Variants in EDARADD observed in about 807,000 individuals in gnomAD.
EDARADD encodes the protein ectodysplasin-A receptor-associated adapter protein.
EDARADD carries 20 observed loss-of-function variants against 25.6 expected under a neutral mutation model. The ratio of observed to expected loss-of-function variants is 0.78; its 90% confidence interval spans 0.55 to 1.14. The LOEUF is 1.14. Among genes scored for constraint, EDARADD ranks in the 50% most tolerant of loss-of-function variants. The pLI is 0.00. For missense variants in EDARADD, 225 were observed against 270.1 expected (o/e 0.83, Z 1.17); for synonymous variants, 86 against 94.4 (o/e 0.91, Z 0.52).
chr1:236,429,193 A>AGGGAGAGGGAGAGGGAGC (rs201819535), intron 4 of EDARADD, among the ~76,000 whole-genome samples: 210 of 143,638 alleles, frequency 1.5e-3, no homozygotes, highest in Non-Finnish European at 2.3e-3. Flanking sequence ...GCAGAGGGAG[A>AGGGAGAGGGAGAGGGAGC]GGGAGCGGGA....
intron 1 of EDARADD, among the ~76,000 whole-genome samples, chr1:236,401,657 G>A (rs761318620): frequency 9.9e-5 from 15 of 152,184 alleles, no homozygotes; most frequent in Non-Finnish European, 1.8e-4. Context: ...AATGATTAAC[G>A]CTTTTGGGGA....
At chr1:236,364,651 A>G (rs1572110352) in intron 3 of EDARADD, among the ~76,000 whole-genome samples, 1 of 152,168 alleles carries the variant, frequency 6.6e-6, no homozygotes, top group Non-Finnish European at 1.5e-5. Context: ...ATCTTTTAGA[A>G]TTCTATTGTA....
intron 3 of EDARADD, among the ~76,000 whole-genome samples, chr1:236,357,095 TA>T (rs1052975084): frequency 2.6e-4 from 37 of 144,190 alleles, no homozygotes; most frequent in African/African-American, 2.8e-4. Flanking sequence ...AAATAAAAAA[TA>T]AAAAAAAAAA....
intron 3 of EDARADD, among the ~76,000 whole-genome samples, chr1:236,371,694 C>T (rs1324369790): frequency 2.0e-5 from 3 of 151,406 alleles, no homozygotes; most frequent in Non-Finnish European, 2.9e-5. Context: ...CTCAGCCTCC[C>T]AAGTAGCTGG....
intron 3 of EDARADD, among the ~76,000 whole-genome samples, chr1:236,360,537 G>GATTTTTTTTTTTTTTTT (rs1558100082): frequency 7.6e-6 from 1 of 131,266 alleles, no homozygotes; most frequent in African/African-American, 3.0e-5. Context: ...TTAATTCACG[G>GATTTTTTTTTTTTTTTT]TTTTTTTTTT....
Position 236,482,847 on chromosome 1 carries a change from A to G in EDARADD, c.*198A>G, listed in dbSNP as rs1659717651. On this transcript the variant is annotated 3_prime_UTR_variant, in exon 6 of 6. Coordinates refer to ENST00000334232, the MANE Select transcript of EDARADD (RefSeq NM_145861.4). ...CTCTGTTTATTTTTGCACATCTGTTATAATTTAATATTCAAATCTGGAATT... is the reference window on the plus strand; with the variant it reads ...CTCTGTTTATTTTTGCACATCTGTTGTAATTTAATATTCAAATCTGGAATT... The G allele has an allele frequency of 1.4e-6, 1 of 691,424 alleles. No individual in the cohort carries two copies. The highest frequency in any genetic ancestry group is 1.9e-5 in the South Asian group (1 of 52,400). The allele number at this position is 691,424 out of a possible 1,614,324, so 42.8% of individuals were successfully genotyped here.
chr1:236,451,968 G>A (rs1360865727), intron 4 of EDARADD, among the ~76,000 whole-genome samples: 1 of 152,182 alleles, frequency 6.6e-6, no homozygotes, highest in Non-Finnish European at 1.5e-5. Flanking sequence ...AGGCCTGCGT[G>A]CTTTCCAGAA....
At chr1:236,412,062 T>A (rs907201090) in intron 2 of EDARADD, among the ~76,000 whole-genome samples, 1 of 152,192 alleles carries the variant, frequency 6.6e-6, no homozygotes, top group Admixed American at 6.5e-5. Context: ...CCCCTTGACA[T>A]GGGAGATGAG....
At chr1:236,435,684 A>G (rs582169) in intron 4 of EDARADD, among the ~76,000 whole-genome samples, 124,197 of 152,196 alleles carry the variant, frequency 0.82, 51,391 homozygotes, top group Non-Finnish European at 0.88. Context: ...TTATTTGAAG[A>G]TATTGGAAAG....
upstream of EDARADD, among the ~76,000 whole-genome samples, chr1:236,393,203 A>T (rs573181279): frequency 2.6e-5 from 4 of 152,104 alleles, no homozygotes; most frequent in African/African-American, 4.8e-5. Context: ...CCATCAGCGA[A>T]ATCCAGCATA....
intron 3 of EDARADD, among the ~76,000 whole-genome samples, chr1:236,415,726 T>C (rs2103011038): frequency 6.6e-6 from 1 of 152,316 alleles, no homozygotes; most frequent in East Asian, 1.9e-4. Context: ...ATTACAGGCA[T>C]GAGCCACCCA....
chr1:236,421,833 T>A (rs1657794101), intron 3 of EDARADD, among the ~76,000 whole-genome samples: 1 of 151,878 alleles, frequency 6.6e-6, no homozygotes, highest in Non-Finnish European at 1.5e-5. Flanking sequence ...ATAAATTGAG[T>A]CTCAATGTTA....
chr1:236,394,285 C>A, upstream of EDARADD: 1 of 748,490 alleles, frequency 1.3e-6, no homozygotes, highest in Non-Finnish European at 2.3e-6. Flanking sequence ...TATCCGAAGG[C>A]AGACCAAGAG....
intron 1 of EDARADD, among the ~76,000 whole-genome samples, chr1:236,404,345 C>T (rs1418270192): frequency 1.3e-5 from 2 of 152,176 alleles, no homozygotes; most frequent in East Asian, 3.8e-4. Flanking sequence ...ATCTGCTCTC[C>T]TCCAAATAAC....
At chr1:236,427,246 G>T in intron 3 of EDARADD, 146 bp from the exon 4 acceptor site, 1 of 718,644 alleles carries the variant, frequency 1.4e-6, no homozygotes, top group South Asian at 1.9e-5. Flanking sequence ...AGTTTGGAGA[G>T]GAATTTGTAG....
intron 4 of EDARADD, among the ~76,000 whole-genome samples, chr1:236,462,109 G>C (rs1265731006): frequency 1.3e-5 from 2 of 152,202 alleles, no homozygotes; most frequent in Non-Finnish European, 2.9e-5. Flanking sequence ...CGTGCCAAGA[G>C]TGGATTGGTT....
intron 1 of EDARADD, among the ~76,000 whole-genome samples, chr1:236,402,667 T>C (rs1366017796): frequency 2.0e-5 from 3 of 152,062 alleles, no homozygotes; most frequent in Non-Finnish European, 2.9e-5. Flanking sequence ...CCACCTTGGC[T>C]TCCCAAAGTG....
chr1:236,395,424 A>G lies in EDARADD; in HGVS notation c.61+919A>G, dbSNP rs1572125773. The G allele has an allele frequency of 2.1e-6, 3 of 1,450,246 alleles. No individual in the cohort carries two copies. The highest frequency in any genetic ancestry group is 1.8e-6 in the Non-Finnish European group (2 of 1,102,216). The allele number at this position is 1,450,246 out of a possible 1,614,324, so 89.8% of individuals were successfully genotyped here. ...AGCGAAGGGGCTTTGCTAATTGCCA[A>G]AGCAGGAAGTGAGCTCGTGGAAGAA... On this transcript the variant is annotated intron_variant, in intron 1 of 5. Transcript: ENST00000334232. This position sits in a 1 kb window ranked among gnomAD's most constrained non-coding sequence, Gnocchi z 6.9.
chr1:236,395,802 G>A lies in EDARADD; in HGVS notation c.61+1297G>A. On this transcript the variant is annotated intron_variant, in intron 1 of 5. Transcript: ENST00000334232. The surrounding 1 kb of genome is among the most constrained non-coding windows in gnomAD (Gnocchi z 6.9). ...AGGCCCGGGAACCACCCCCGACCCA[G>A]GCGCCAGACCCGGAGTCGCACGGGG... The A allele has an allele frequency of 1.3e-6, 1 of 749,798 alleles. No homozygotes were observed. Among genetic ancestry groups the A allele is most frequent in the Non-Finnish European group, 2.0e-6 (1 of 510,246 alleles). 46.4% of individuals were successfully genotyped at this position (749,798 alleles called of 1,614,324 possible). A position where few individuals can be genotyped will look rare whatever the true frequency, so the allele number is the denominator to read the frequency against.
Sources: gnomAD v4.1 joint callset for allele counts (sites outside exome capture counted in the v4.1 genomes callset) on GRCh38, gnomAD v4.1.1 for gene constraint, Gnocchi (gnomAD v3.1) non-coding constraint, MANE v1.5 for transcripts, NCBI Gene and HGNC (gene_info 2026-07-23, HGNC 2026-07-21) for gene names.